Variants in AMPH observed in about 807,000 individuals in gnomAD.
AMPH encodes amphiphysin.
In AMPH, 49 loss-of-function variants were observed where a neutral mutation model predicts 99.1. The ratio of observed to expected loss-of-function variants is 0.49; its 90% CI spans 0.39 to 0.63. The LOEUF (loss-of-function observed/expected upper bound fraction) is 0.63. AMPH is among the 20% of genes least tolerant of loss of function. The pLI is 0.00. For missense variants in AMPH, 759 were observed against 863.4 expected (o/e 0.88, Z 1.52); for synonymous variants, 314 against 317.3 (o/e 0.99, Z 0.11).
In AMPH at chr7:38,520,669, G is replaced by T. The variant is rs78280514; in HGVS notation, c.150+14262C>A. Among the ~76,000 whole-genome samples, 852 of 152,336 alleles carry T rather than the reference G, an allele frequency of 5.6e-3. 4 individuals are homozygous for T. Among genetic ancestry groups the T allele is most frequent in the African/African-American group, 0.019 (807 of 41,576 alleles). On this transcript the variant is annotated intron_variant, in intron 2 of 20. Transcript: ENST00000356264. ...AACAGAGGAAAAGAGACTCCTGACTGAGGGGATGGGGAAAATACCACTAGA... is the reference window on the plus strand; with the variant it reads ...AACAGAGGAAAAGAGACTCCTGACTTAGGGGATGGGGAAAATACCACTAGA...
intron 2 of AMPH, among the ~76,000 whole-genome samples, chr7:38,520,364 A>T (rs1789910784): frequency 6.6e-6 from 1 of 152,324 alleles, no homozygotes; most frequent in East Asian, 1.9e-4. Context: ...TAAAGTTTAC[A>T]TAGAGTTTTT....
At chr7:38,428,228 C>T (rs138594835) in intron 14 of AMPH, 400 of 456,728 alleles carry the variant, frequency 8.8e-4, no homozygotes, top group African/African-American at 7.3e-3. Flanking sequence ...CCAAATTATT[C>T]ATTGCTGAAT....
At chr7:38,392,817 G>C (rs1301529955) in intron 18 of AMPH, 1 of 152,318 alleles carries the variant, frequency 6.6e-6, no homozygotes, top group South Asian at 2.1e-4. Context: ...TGCTGATGAA[G>C]ATCCAGCCGG....
At chr7:38,478,802 A>G (rs1788181069) in intron 5 of AMPH, among the ~76,000 whole-genome samples, 1 of 152,158 alleles carries the variant, frequency 6.6e-6, no homozygotes, top group Non-Finnish European at 1.5e-5. Context: ...AACACTAGAA[A>G]TTTTAAAAAT....
At position 38,463,127 on chromosome 7, in the gene AMPH, G is replaced by A; in HGVS notation, c.750-14C>T. On this transcript the variant is annotated splice_polypyrimidine_tract_variant and intron_variant, in intron 9 of 20. Coordinates refer to ENST00000356264, the MANE Select transcript of AMPH (RefSeq NM_001635.4). ...GGACCCGAATCACTAGAGGAACACA[G>A]GGGATTGGGCAAGGGGCCTTCTCAA... 1 of 1,613,934 alleles carries A rather than the reference G, an allele frequency of 6.2e-7. No individual in the cohort carries two copies. The highest frequency in any genetic ancestry group is 8.5e-7 in the Non-Finnish European group (1 of 1,179,880).
intron 1 of AMPH, among the ~76,000 whole-genome samples, chr7:38,588,780 G>T (rs182277175): frequency 2.0e-5 from 3 of 152,172 alleles, no homozygotes; most frequent in Non-Finnish European, 4.4e-5. Flanking sequence ...GATTCTAAAT[G>T]TTATTATTAC....
chr7:38,610,323 AAAGAAAAGAAAAAAGAAAAG>A (rs1793612220), intron 1 of AMPH, among the ~76,000 whole-genome samples: 1 of 41,922 alleles, frequency 2.4e-5, no homozygotes, highest in African/African-American at 1.5e-4. Context: ...AAAGAAAAGA[AAAGAAAAGAAAAAAGAAAAG>A]AAAAGAAAAG....
intron 14 of AMPH, chr7:38,429,332 C>T (rs1562748313): frequency 7.8e-7 from 1 of 1,288,584 alleles, no homozygotes; most frequent in East Asian, 5.6e-5. Flanking sequence ...CTACAGTGGG[C>T]CAGTCAGCAG....
intron 5 of AMPH, among the ~76,000 whole-genome samples, chr7:38,488,728 G>T (rs1562786982): frequency 6.6e-6 from 1 of 151,936 alleles, no homozygotes; most frequent in Non-Finnish European, 1.5e-5. Flanking sequence ...GAAGTTACGA[G>T]AGCAATACCA....
At chr7:38,518,749 C>T (rs1351156674) in intron 2 of AMPH, among the ~76,000 whole-genome samples, 1 of 152,156 alleles carries the variant, frequency 6.6e-6, no homozygotes, top group Non-Finnish European at 1.5e-5. Flanking sequence ...ATACAGGACT[C>T]TGGACTTTGA....
chr7:38,621,759 G>A (rs1224507430), intron 1 of AMPH, among the ~76,000 whole-genome samples: 1 of 152,152 alleles, frequency 6.6e-6, no homozygotes, highest in Non-Finnish European at 1.5e-5. Context: ...TCTGTTCTAA[G>A]TAGGTTCAGG....
intron 2 of AMPH, among the ~76,000 whole-genome samples, chr7:38,504,110 G>A (rs543208416): frequency 6.6e-6 from 1 of 152,248 alleles, no homozygotes; most frequent in African/African-American, 2.4e-5. Context: ...CATTTACAGT[G>A]TAACTGTATT....
At chr7:38,599,742 T>C (rs1793181212) in intron 1 of AMPH, among the ~76,000 whole-genome samples, 1 of 151,656 alleles carries the variant, frequency 6.6e-6, no homozygotes, top group Non-Finnish European at 1.5e-5. Context: ...TCTGTATTTG[T>C]TCTGTAGCAT....
intron 17 of AMPH, among the ~76,000 whole-genome samples, chr7:38,396,492 T>C (rs1367983340): frequency 2.0e-5 from 3 of 152,218 alleles, no homozygotes; most frequent in Non-Finnish European, 4.4e-5. Context: ...CAGGTATGTC[T>C]TTATCAGCAG....
chr7:38,497,340 G>T (rs1297328663), intron 3 of AMPH, among the ~76,000 whole-genome samples: 2 of 151,986 alleles, frequency 1.3e-5, no homozygotes, highest in Non-Finnish European at 2.9e-5. Context: ...TTTCTTAAAA[G>T]ATTAGTGATT....
Position 38,389,790 on chromosome 7 carries a change from A to G in AMPH, c.1980+14T>C. On this transcript the variant is annotated intron_variant, in intron 20 of 20. Transcript: ENST00000356264. ...TCAACGTAGCCCAAAGCATCTTCCT[A>G]TCTTTTCTTTTACCTGATCAGCTTC... 2 of 1,598,524 alleles carry G rather than the reference A, an allele frequency of 1.3e-6. No individual in the cohort carries two copies. The highest frequency in any genetic ancestry group is 1.7e-6 in the Non-Finnish European group (2 of 1,166,110).
intron 5 of AMPH, among the ~76,000 whole-genome samples, chr7:38,482,319 C>T (rs977397210): frequency 1.3e-5 from 2 of 152,084 alleles, no homozygotes; most frequent in African/African-American, 4.8e-5. Context: ...AGCAAAAGAT[C>T]TAGATGATAT....
intron 17 of AMPH, among the ~76,000 whole-genome samples, chr7:38,416,126 T>TATATA (rs70975100): frequency 1.5e-4 from 20 of 132,300 alleles, no homozygotes; most frequent in South Asian, 2.5e-4. Context: ...TATATATATA[T>TATATA]TAGCTATTAC....
intron 1 of AMPH, among the ~76,000 whole-genome samples, chr7:38,541,495 A>G (rs923057865): frequency 5.3e-5 from 8 of 152,196 alleles, no homozygotes; most frequent in Non-Finnish European, 1.2e-4. Context: ...AGGTCCTCAC[A>G]TTGTCCTCCA....
Sources: gnomAD v4.1 joint callset for allele counts (sites outside exome capture counted in the v4.1 genomes callset) on GRCh38, gnomAD v4.1.1 for gene constraint, MANE v1.5 for transcripts, NCBI Gene and HGNC (gene_info 2026-07-23, HGNC 2026-07-21) for gene names.